ARMC1: variants seen among roughly 807,000 people sequenced by gnomAD.
ARMC1 encodes the protein armadillo repeat containing 1, also known as armadillo repeat-containing protein 1.
A neutral mutation model predicts 31.4 loss-of-function variants in ARMC1; 16 were observed. That is an observed-to-expected ratio of 0.51 (90% CI 0.34 to 0.77). ARMC1 has a LOEUF of 0.77. Ranked by LOEUF, ARMC1 falls within the 30% of genes least tolerant of loss-of-function variation. The pLI, the probability that ARMC1 is intolerant of heterozygous loss-of-function variation, is 0.01. For missense variants in ARMC1, 259 were observed against 347.5 expected (o/e 0.75, Z 2.02); for synonymous variants, 114 against 118.9 (o/e 0.96, Z 0.27).
intron 3 of ARMC1, among the ~76,000 whole-genome samples, chr8:65,616,804 G>A (rs1297022080): frequency 1.3e-5 from 2 of 150,484 alleles, no homozygotes; most frequent in Non-Finnish European, 3.0e-5. Context: ...GGGAGGTGAG[G>A]AGCGTCTCTG....
At chr8:65,608,759 AT>A (rs1808058245) in intron 4 of ARMC1, among the ~76,000 whole-genome samples, 1 of 151,608 alleles carries the variant, frequency 6.6e-6, no homozygotes, top group Non-Finnish European at 1.5e-5. Context: ...ATACAAAAAA[AT>A]TGGCCGGGCA....
At chr8:65,605,130 G>C in intron 6 of ARMC1, 133 bp downstream of exon 6, 2 of 719,736 alleles carry the variant, frequency 2.8e-6, no homozygotes, top group Non-Finnish European at 4.5e-6. Flanking sequence ...TTCTAAAACA[G>C]TTAACTGTTA....
rs566377144 is a variant in ARMC1, at chr8:65,609,397, A to G, written c.465+3847T>C. On this transcript the variant is annotated intron_variant, in intron 4 of 6. Coordinates refer to ENST00000276569, the MANE Select transcript of ARMC1 (RefSeq NM_018120.6). ...TTGGAGATATTTTATATATCTTAAG[A>G]TCTTCCAGTGAATCAATTTACCTTT... is the stretch of plus-strand genomic sequence containing the variant. Among the ~76,000 whole-genome samples the G allele has an allele frequency of 1.3e-4, 20 of 152,328 alleles. No homozygotes were observed. In the South Asian group the frequency reaches 4.1e-3, roughly 32 times the overall value.
In ARMC1 at chr8:65,605,449, C is replaced by T; in HGVS notation, c.555G>A (p.Val185=). Reference sequence around the variant, plus strand: ...CAGCTTTCAAATCTGAACGGATTCGCACCACACACCTTTGAACAGCCATTT... The same window carrying T: ...CAGCTTTCAAATCTGAACGGATTCGTACCACACACCTTTGAACAGCCATTT... ...TFQMAVQRCV[V]RIRSDLKAEA... Residue 185 remains valine, a synonymous_variant, in exon 5 of 7, where the codon GTG becomes GTA. Transcript: ENST00000276569. 2 of 1,614,108 alleles carry T rather than the reference C, an allele frequency of 1.2e-6. No individual in the cohort carries two copies. Among genetic ancestry groups the T allele is most frequent in the Middle Eastern group, 1.7e-4 (1 of 6,060 alleles).
At chr8:65,633,102 C>T (rs1443583565) in intron 1 of ARMC1, 2 of 152,210 alleles carry the variant, frequency 1.3e-5, no homozygotes, top group Admixed American at 6.5e-5. Context: ...CTCTGAGAAG[C>T]AAGCAGTTAG....
At chr8:65,630,971 C>G (rs1808631173) in intron 1 of ARMC1, among the ~76,000 whole-genome samples, 1 of 152,092 alleles carries the variant, frequency 6.6e-6, no homozygotes, top group African/African-American at 2.4e-5. Context: ...GACTATTGTA[C>G]AGTATTTTCG....
chr8:65,627,151 T>C (rs1176240147), intron 2 of ARMC1, 65 bp downstream of exon 2: 3 of 1,457,706 alleles, frequency 2.1e-6, no homozygotes, highest in Non-Finnish European at 2.8e-6. Flanking sequence ...ATCTAGCACT[T>C]TTTCCAAATT....
At chr8:65,605,235 T>G (rs776255032) in intron 6 of ARMC1, 28 bp downstream of exon 6, 2 of 1,577,632 alleles carry the variant, frequency 1.3e-6, no homozygotes, top group Non-Finnish European at 1.7e-6. Flanking sequence ...GTGAGTTGGA[T>G]ATAAAGAAAA....
Position 65,628,980 on chromosome 8 carries a change from C to T in ARMC1, c.-35-1547G>A, listed in dbSNP as rs548230350. On this transcript the variant is annotated intron_variant, in intron 1 of 6. Coordinates refer to ENST00000276569, the MANE Select transcript of ARMC1 (RefSeq NM_018120.6). ...ACCAGCCTGGTCAACATGGTGAAAC[C>T]CTGTCTCTACTAAAAATACAAAAAT... Among the ~76,000 whole-genome samples, 8 of 151,942 alleles carry T rather than the reference C, an allele frequency of 5.3e-5. No individual in the cohort carries two copies. In the South Asian group the frequency reaches 1.2e-3, roughly 24 times the overall value.
chr8:65,613,180 G>A, intron 4 of ARMC1, 64 bp downstream of exon 4: 4 of 1,290,710 alleles, frequency 3.1e-6, no homozygotes, highest in Non-Finnish European at 4.2e-6. Flanking sequence ...AAGACTGTTA[G>A]CAAGTGGCAC....
At chr8:65,619,183 T>C (rs1808339877) in intron 3 of ARMC1, among the ~76,000 whole-genome samples, 1 of 152,044 alleles carries the variant, frequency 6.6e-6, no homozygotes, top group Admixed American at 6.6e-5. Flanking sequence ...AGGAAAATAG[T>C]CCATGAAACA....
intron 1 of ARMC1, among the ~76,000 whole-genome samples, chr8:65,629,165 AAAAAG>A (rs1808581756): frequency 6.6e-6 from 1 of 152,028 alleles, no homozygotes; most frequent in Non-Finnish European, 1.5e-5. Flanking sequence ...AAAAAAAAAA[AAAAAG>A]AAAGAAAGAA....
In ARMC1 at chr8:65,604,360, T is replaced by C; in HGVS notation, c.*34A>G. ...ACAACAATGGAAAACTGGCCCCTTG[T>C]TGGTTCACACAGTCCTTGAGCCCAA... On this transcript the variant is annotated 3_prime_UTR_variant, in exon 7 of 7. Transcript: ENST00000276569. 2 of 1,580,166 alleles carry C rather than the reference T, an allele frequency of 1.3e-6. No homozygotes were observed. Among genetic ancestry groups the C allele is most frequent in the Non-Finnish European group, 1.7e-6 (2 of 1,160,334 alleles).
At chr8:65,630,218 GAT>G (rs35766755) in intron 1 of ARMC1, among the ~76,000 whole-genome samples, 20,341 of 152,166 alleles carry the variant, frequency 0.13, 2,242 homozygotes, top group East Asian at 0.52. Flanking sequence ...TAAGGTGATA[GAT>G]ATGTTAACTA....
chr8:65,633,498 T>C (rs1808696640), intron 1 of ARMC1, among the ~76,000 whole-genome samples: 1 of 152,194 alleles, frequency 6.6e-6, no homozygotes. Flanking sequence ...TGCCAGGTGT[T>C]GGAGGTACCT....
chr8:65,618,109 T>G (rs1435637012), intron 3 of ARMC1, among the ~76,000 whole-genome samples: 2 of 151,588 alleles, frequency 1.3e-5, no homozygotes, highest in Non-Finnish European at 2.9e-5. Flanking sequence ...AGAGATGGGG[T>G]TTCGCCATGT....
chr8:65,630,429 G>A (rs1459153325), intron 1 of ARMC1, among the ~76,000 whole-genome samples: 1 of 152,150 alleles, frequency 6.6e-6, no homozygotes, highest in Admixed American at 6.5e-5. Flanking sequence ...CTCATTCAAG[G>A]AGCCATTAGA....
At chr8:65,622,712 A>G (rs546367663) in intron 2 of ARMC1, among the ~76,000 whole-genome samples, 199 of 89,514 alleles carry the variant, frequency 2.2e-3, no homozygotes, top group Middle Eastern at 9.7e-3. Context: ...CTGTGCCTCA[A>G]AAGAAAAAAA....
In ARMC1 at chr8:65,627,285, C is replaced by G; in HGVS notation, c.114G>C (p.Gln38His). The G allele has an allele frequency of 6.2e-7, 1 of 1,613,302 alleles. No individual in the cohort carries two copies. The highest frequency in any genetic ancestry group is 8.5e-7 in the Non-Finnish European group (1 of 1,179,622). ...ATAAAATAAGGCCAGGCAGACATCC[C>G]TGATCCTGGACGATGGCTCTTCTGT... ...PLNRRAIVQD[Q>H]GCLPGLILFM... is the part of the protein sequence containing the mutation. Residue 38 changes from glutamine to histidine, a missense_variant, in exon 2 of 7, where the codon CAG becomes CAC. Physicochemically the swap from Gln to His is conservative, Grantham distance 24. Transcript: ENST00000276569.
Sources: allele counts gnomAD v4.1 joint callset (sites outside exome capture counted in the v4.1 genomes callset), GRCh38; gene constraint gnomAD v4.1.1; transcripts MANE v1.5; gene names NCBI Gene and HGNC (gene_info 2026-07-23, HGNC 2026-07-21).